Variants in DNAAF5 observed in about 807,000 individuals in gnomAD.
The protein encoded by DNAAF5 is dynein axonemal assembly factor 5.
In DNAAF5, 64 loss-of-function variants were observed where a neutral mutation model predicts 75.8. The ratio of observed to expected loss-of-function variants is 0.84; its 90% confidence interval spans 0.69 to 1.04. The LOEUF (loss-of-function observed/expected upper bound fraction) is 1.04, where lower values mean the gene tolerates loss of function less well. Among genes scored for constraint, DNAAF5 ranks in the 50% least tolerant of loss-of-function variants. DNAAF5 has a pLI of 0.00. For synonymous variants in DNAAF5, 657 were observed against 557.2 expected (o/e 1.18, Z -2.52); for missense variants, 1,269 against 1,178.5 (o/e 1.08, Z -1.12).
At chr7:740,280 G>A (rs77832013) in intron 2 of DNAAF5, among the ~76,000 whole-genome samples, 2,243 of 152,308 alleles carry the variant, frequency 0.015, 36 homozygotes, top group East Asian at 0.11. Flanking sequence ...AGAGGCCCTC[G>A]TGCCCCCTCT....
intron 4 of DNAAF5, among the ~76,000 whole-genome samples, chr7:753,031 C>CT (rs75517431): frequency 0.015 from 2,311 of 152,358 alleles, 41 homozygotes; most frequent in East Asian, 0.12. Flanking sequence ...TCTCGGACTG[C>CT]TTTCAATTCA....
At chr7:780,806 A>C (rs1778911458) in intron 12 of DNAAF5, among the ~76,000 whole-genome samples, 1 of 150,460 alleles carries the variant, frequency 6.6e-6, no homozygotes, top group Admixed American at 6.7e-5. Flanking sequence ...CTTGGAATGT[A>C]ACGATTTGCT....
chr7:749,529 TTG>T (rs1782223198), intron 4 of DNAAF5, among the ~76,000 whole-genome samples: 1 of 152,170 alleles, frequency 6.6e-6, no homozygotes, highest in Non-Finnish European at 1.5e-5. Flanking sequence ...TCTGCTTTGC[TTG>T]TGTGTTTCAT....
At chr7:766,279 CTTCT>C (rs532604885) in intron 8 of DNAAF5, among the ~76,000 whole-genome samples, 12 of 152,162 alleles carry the variant, frequency 7.9e-5, no homozygotes, top group South Asian at 4.1e-4. Context: ...TTTTTATTTT[CTTCT>C]TTATTTTTTT....
intron 2 of DNAAF5, among the ~76,000 whole-genome samples, chr7:733,283 C>T (rs1022990076): frequency 3.9e-5 from 6 of 152,096 alleles, no homozygotes; most frequent in Non-Finnish European, 7.4e-5. Context: ...GGCTATTCAA[C>T]GTCTTTCGAG....
At chr7:782,350 G>A (rs539483426) in intron 12 of DNAAF5, among the ~76,000 whole-genome samples, 2 of 151,294 alleles carry the variant, frequency 1.3e-5, no homozygotes, top group Admixed American at 6.6e-5. Flanking sequence ...GGCTCTTCGC[G>A]GCGTGGCCGC....
intron 11 of DNAAF5, 86 bp downstream of exon 11, chr7:775,248 C>A: frequency 3.2e-6 from 4 of 1,238,460 alleles, no homozygotes; most frequent in South Asian, 1.3e-5. Flanking sequence ...TGGAGTCACC[C>A]AAACTCAGAT....
Position 744,784 on chromosome 7 carries a change from A to G in DNAAF5, c.1024+3319A>G, listed in dbSNP as rs113882040. On this transcript the variant is annotated intron_variant, in intron 4 of 12. Transcript: ENST00000297440. ...ATCTAGAACTAATTTTGTATTTTTA[A>G]TAGAGACAGGGTTTCGCCATGTTGG... is the stretch of plus-strand genomic sequence containing the variant. 5.2e-3 allele frequency among the ~76,000 whole-genome samples: 786 copies of G among 152,248 alleles called. 12 individuals carry two copies. Among genetic ancestry groups the G allele is most frequent in the African/African-American group, 0.018 (742 of 41,538 alleles).
At chr7:727,467 C>A (rs1781381862) in intron 1 of DNAAF5, 152 bp downstream of exon 1, 1 of 332,814 alleles carries the variant, frequency 3.0e-6, no homozygotes, top group Non-Finnish European at 5.0e-6. Context: ...CGCCGCTTCC[C>A]CCACCCGCCT....
At chr7:769,579 CAATT>C (rs1306382799) in intron 8 of DNAAF5, among the ~76,000 whole-genome samples, 1 of 152,132 alleles carries the variant, frequency 6.6e-6, no homozygotes, top group African/African-American at 2.4e-5. Flanking sequence ...TTCACTGAAA[CAATT>C]GATTTTGGTC....
chr7:749,969 G>A (rs1278295626), intron 4 of DNAAF5, among the ~76,000 whole-genome samples: 1 of 152,186 alleles, frequency 6.6e-6, no homozygotes, highest in African/African-American at 2.4e-5. Flanking sequence ...AAAGTGCTAG[G>A]ATTACAGGTG....
intron 8 of DNAAF5, chr7:768,962 C>T (rs1021619178): frequency 1.2e-5 from 7 of 578,432 alleles, no homozygotes; most frequent in South Asian, 2.1e-5. Flanking sequence ...TGGCGGGAGG[C>T]TCAAGTCAGG....
intron 2 of DNAAF5, among the ~76,000 whole-genome samples, chr7:739,753 G>A (rs531569703): frequency 6.0e-4 from 92 of 152,242 alleles, no homozygotes; most frequent in Middle Eastern, 3.4e-3. Flanking sequence ...GAGCAGTCAG[G>A]CCAGGGCCCG....
chr7:737,496 G>A (rs1468462644), intron 2 of DNAAF5, among the ~76,000 whole-genome samples: 3 of 152,204 alleles, frequency 2.0e-5, no homozygotes, highest in African/African-American at 7.2e-5. Context: ...GTTGTTCTGT[G>A]TGCTTACTGT....
intron 9 of DNAAF5, among the ~76,000 whole-genome samples, chr7:773,355 A>G (rs1347852346): frequency 6.6e-6 from 1 of 152,132 alleles, no homozygotes; most frequent in Non-Finnish European, 1.5e-5. Context: ...CGGGCTGTGG[A>G]GCTGGTCTTG....
intron 1 of DNAAF5, 143 bp downstream of exon 1, chr7:727,458 G>T: frequency 3.0e-6 from 1 of 332,876 alleles, no homozygotes; most frequent in Non-Finnish European, 4.8e-6. Context: ...CCCCCCATGC[G>T]CCGCTTCCCC....
chr7:745,441 CAT>C (rs539888890), intron 4 of DNAAF5, among the ~76,000 whole-genome samples: 85 of 140,926 alleles, frequency 6.0e-4, no homozygotes, highest in East Asian at 1.9e-3. Flanking sequence ...CACACACACA[CAT>C]ATTCACATGC....
intron 4 of DNAAF5, among the ~76,000 whole-genome samples, chr7:745,589 C>G (rs983631879): frequency 6.6e-6 from 1 of 152,130 alleles, no homozygotes; most frequent in South Asian, 2.1e-4. Context: ...ATATACACAT[C>G]TGCACACGTA....
chr7:783,792 A>G (rs1194117204), intron 12 of DNAAF5, among the ~76,000 whole-genome samples: 1 of 151,246 alleles, frequency 6.6e-6, no homozygotes, highest in Non-Finnish European at 1.5e-5. Flanking sequence ...ACTACACACC[A>G]TCAACCCGAG....
Sources: gnomAD v4.1 joint callset for allele counts (sites outside exome capture counted in the v4.1 genomes callset) on GRCh38, gnomAD v4.1.1 for gene constraint, MANE v1.5 for transcripts, NCBI Gene and HGNC (gene_info 2026-07-23, HGNC 2026-07-21) for gene names.